The following FSTL5 variants were observed in gnomAD, a reference collection of about 807,000 sequenced individuals.
FSTL5 encodes follistatin like 5.
Under a neutral mutation model 89.1 loss-of-function variants are expected in FSTL5, and 62 were observed. The ratio of observed to expected loss-of-function variants is 0.70; its 90% CI spans 0.57 to 0.86. FSTL5 has a LOEUF of 0.86. Among genes scored for constraint, FSTL5 ranks in the 40% least tolerant of loss-of-function variants. FSTL5 has a pLI of 0.00. For synonymous variants in FSTL5, 383 were observed against 346.2 expected (o/e 1.11, Z -1.18); for missense variants, 1,057 against 1,001.6 (o/e 1.06, Z -0.75).
chr4:161,720,021 A>G (rs1310963365), intron 6 of FSTL5, among the ~76,000 whole-genome samples: 2 of 152,142 alleles, frequency 1.3e-5, no homozygotes, highest in African/African-American at 4.8e-5. Context: ...TTACACCAAA[A>G]CCATAGGCAA....
At chr4:161,766,072 G>C (rs1740988084) in intron 5 of FSTL5, among the ~76,000 whole-genome samples, 2 of 152,126 alleles carry the variant, frequency 1.3e-5, no homozygotes, top group African/African-American at 2.4e-5. Context: ...GAGATTACAG[G>C]CGTGAGCCAC....
chr4:161,893,572 G>C (rs1291802523), intron 4 of FSTL5, among the ~76,000 whole-genome samples: 1 of 152,054 alleles, frequency 6.6e-6, no homozygotes, highest in Admixed American at 6.6e-5. Flanking sequence ...ATAGAAAAAA[G>C]TCACTAAATG....
intron 1 of FSTL5, among the ~76,000 whole-genome samples, chr4:162,122,713 A>G (rs1731918269): frequency 6.6e-6 from 1 of 152,140 alleles, no homozygotes; most frequent in African/African-American, 2.4e-5. Flanking sequence ...GGATGTTATC[A>G]TGCAAATTAA....
intron 4 of FSTL5, among the ~76,000 whole-genome samples, chr4:161,887,477 T>C (rs1035247461): frequency 6.6e-6 from 1 of 152,038 alleles, no homozygotes; most frequent in African/African-American, 2.4e-5. Flanking sequence ...TCTGTTTTTC[T>C]ATCTACTTCT....
chr4:161,956,760 A>G (rs573539653), intron 3 of FSTL5, among the ~76,000 whole-genome samples: 2 of 151,972 alleles, frequency 1.3e-5, no homozygotes, highest in Non-Finnish European at 2.9e-5. Context: ...GAAATAATGC[A>G]AACTGATGTT....
intron 15 of FSTL5, among the ~76,000 whole-genome samples, chr4:161,415,200 A>G (rs1249607977): frequency 6.6e-6 from 1 of 152,158 alleles, no homozygotes; most frequent in Non-Finnish European, 1.5e-5. Flanking sequence ...AAGAGTTACA[A>G]TATACAATGC....
chr4:161,731,068 T>C (rs1017362641), intron 6 of FSTL5, among the ~76,000 whole-genome samples: 5 of 152,198 alleles, frequency 3.3e-5, no homozygotes, highest in African/African-American at 4.8e-5. Flanking sequence ...AAATGAGGTT[T>C]TCTGTTTATT....
chr4:161,424,366 T>C (rs1334915133), intron 15 of FSTL5, among the ~76,000 whole-genome samples: 1 of 151,688 alleles, frequency 6.6e-6, no homozygotes, highest in African/African-American at 2.4e-5. Flanking sequence ...AGTGGGAACA[T>C]AGGGCATAGT....
At chr4:161,439,307 G>A (rs28409466) in intron 15 of FSTL5, among the ~76,000 whole-genome samples, 24 of 152,340 alleles carry the variant, frequency 1.6e-4, no homozygotes, top group African/African-American at 5.8e-4. Flanking sequence ...ATGGTGTCGA[G>A]TGTGTATGTT....
intron 15 of FSTL5, among the ~76,000 whole-genome samples, chr4:161,430,256 C>T (rs952998309): frequency 6.6e-6 from 1 of 151,668 alleles, no homozygotes; most frequent in African/African-American, 2.4e-5. Flanking sequence ...GAAATATCCT[C>T]AAAGGGCAAA....
At chr4:161,959,428 T>A (rs1735111939) in intron 3 of FSTL5, among the ~76,000 whole-genome samples, 1 of 152,194 alleles carries the variant, frequency 6.6e-6, no homozygotes, top group Non-Finnish European at 1.5e-5. Flanking sequence ...TTACCTCAGA[T>A]AGTTACATAT....
intron 3 of FSTL5, among the ~76,000 whole-genome samples, chr4:162,028,522 A>G (rs923165790): frequency 6.6e-6 from 1 of 152,192 alleles, no homozygotes; most frequent in African/African-American, 2.4e-5. Flanking sequence ...GGTTGCAGTG[A>G]GCTGAGATCT....
chr4:161,588,976 G>T (rs1380139806), intron 7 of FSTL5, among the ~76,000 whole-genome samples: 1 of 149,834 alleles, frequency 6.7e-6, no homozygotes, highest in Non-Finnish European at 1.5e-5. Flanking sequence ...TTCACTCTGT[G>T]TAAAGAGCCC....
At chr4:161,636,271 C>T (rs929309491) in intron 7 of FSTL5, among the ~76,000 whole-genome samples, 2 of 151,926 alleles carry the variant, frequency 1.3e-5, no homozygotes, top group African/African-American at 4.8e-5. Context: ...ATCTATGAAA[C>T]TGTTTCTTTA....
intron 15 of FSTL5, among the ~76,000 whole-genome samples, chr4:161,389,463 A>G (rs1730748283): frequency 6.6e-6 from 1 of 152,136 alleles, no homozygotes; most frequent in South Asian, 2.1e-4. Flanking sequence ...TAATCAAAGT[A>G]GTTTATTATA....
At chr4:162,019,951 A>AATAT (rs537972981) in intron 3 of FSTL5, among the ~76,000 whole-genome samples, 1 of 148,750 alleles carries the variant, frequency 6.7e-6, no homozygotes, top group African/African-American at 2.4e-5. Flanking sequence ...TATACATATA[A>AATAT]ATATATATAT....
At position 161,385,756 on chromosome 4, in the gene FSTL5, T is replaced by C; in HGVS notation, c.2535A>G (p.Gly845=). ...TTGTATCGTAGGGTTTTTAGGCATC[T>C]CCAACCCAAATGACTGTATTTCCTT... ...VEKGNTVIWV[G]DA The change falls in exon 16 of 16, where the codon GGA becomes GGG. Residue 845 remains glycine, a synonymous_variant. Transcript: ENST00000306100. The C allele has an allele frequency of 6.3e-7, 1 of 1,592,960 alleles. No individual in the cohort carries two copies. The highest frequency in any genetic ancestry group is 1.3e-5 in the African/African-American group (1 of 74,260).
intron 6 of FSTL5, among the ~76,000 whole-genome samples, chr4:161,707,932 TTC>T (rs1382013866): frequency 7.2e-5 from 11 of 151,772 alleles, no homozygotes; most frequent in African/African-American, 2.7e-4. Flanking sequence ...GATACTCATT[TTC>T]CCCCACAAAA....
chr4:161,829,044 T>C (rs77201253), intron 4 of FSTL5, among the ~76,000 whole-genome samples: 11,722 of 151,092 alleles, frequency 0.078, 526 homozygotes, highest in African/African-American at 0.12. Flanking sequence ...CTGGGAGCTT[T>C]ATATGTGTCA....
Sources: allele counts gnomAD v4.1 joint callset (sites outside exome capture counted in the v4.1 genomes callset), GRCh38; gene constraint gnomAD v4.1.1; transcripts MANE v1.5; gene names NCBI Gene and HGNC (gene_info 2026-07-23, HGNC 2026-07-21).